The following SOD2 variants were observed in gnomAD, a reference collection of about 807,000 sequenced individuals.
SOD2 encodes superoxide dismutase 2.
In SOD2, 11 loss-of-function variants were observed where a neutral mutation model predicts 27.0. The ratio of observed to expected loss-of-function variants is 0.41; its 90% confidence interval spans 0.26 to 0.67. The LOEUF (loss-of-function observed/expected upper bound fraction) is 0.67. Ranked by LOEUF, SOD2 falls within the 30% of genes least tolerant of loss-of-function variation. The probability of loss-of-function intolerance (pLI) is 0.34; values close to 1 mark genes in which losing one functional copy is unlikely to be tolerated. For missense variants in SOD2, 250 were observed against 274.5 expected (o/e 0.91, Z 0.63); for synonymous variants, 105 against 103.0 (o/e 1.02, Z -0.12).
chr6:159,728,241 C>T (rs938004066), upstream of SOD2, among the ~76,000 whole-genome samples: 3 of 152,152 alleles, frequency 2.0e-5, no homozygotes, highest in African/African-American at 7.2e-5. Context: ...CCAAGTCTTA[C>T]CTTGGATCCC....
intron 1 of SOD2, among the ~76,000 whole-genome samples, chr6:159,741,064 C>G (rs1779228551): frequency 6.6e-6 from 1 of 152,034 alleles, no homozygotes; most frequent in Non-Finnish European, 1.5e-5. Context: ...TTTTCTAAAG[C>G]CAAATTTTAA....
At chr6:159,708,393 C>G (rs1482086699) in intron 1 of SOD2, among the ~76,000 whole-genome samples, 1 of 152,212 alleles carries the variant, frequency 6.6e-6, no homozygotes, top group African/African-American at 2.4e-5. Context: ...CCAAAATCTC[C>G]TTAAGCTGAT....
chr6:159,696,958 G>A (rs1214679225), upstream of SOD2, among the ~76,000 whole-genome samples: 2 of 151,604 alleles, frequency 1.3e-5, no homozygotes, highest in African/African-American at 4.8e-5. Flanking sequence ...AGGATCACTT[G>A]AGCCCAAGAG....
intron 1 of SOD2, among the ~76,000 whole-genome samples, chr6:159,750,611 G>C (rs1442938425): frequency 6.6e-6 from 1 of 152,076 alleles, no homozygotes; most frequent in Non-Finnish European, 1.5e-5. Context: ...AAACACAGAT[G>C]AGTTGCACCT....
intron 1 of SOD2, chr6:159,753,390 C>G: frequency 6.3e-7 from 1 of 1,598,598 alleles, no homozygotes; most frequent in Non-Finnish European, 8.6e-7. Flanking sequence ...ACATCTATCA[C>G]TGTAATAATT....
At chr6:159,761,964 G>T in exon 1 of SOD2, 1 of 1,126,120 alleles carries the variant, frequency 8.9e-7, no homozygotes, top group Non-Finnish European at 1.3e-6. Context: ...GGTGGTGCGC[G>T]GGGAGGTGGA....
Position 159,714,040 on chromosome 6 carries a change from A to G in SOD2, c.-116+13089T>C, listed in dbSNP as rs559429067. 1.3e-4 allele frequency: 88 copies of G among 655,128 alleles called. No homozygotes were observed. The Middle Eastern group carries it at 1.6e-3, about 12-fold the overall frequency. 40.6% of individuals were successfully genotyped at this position (655,128 alleles called of 1,614,324 possible). On this transcript the variant is annotated intron_variant, in intron 1 of 2. Transcript: ENST00000401980. ...GTTTGGCGGAATGCAATTTTGGTGT[A>G]GTGGGCAATTATCCTCCTTCTGCCT...
chr6:159,727,374 T>TGGCAGGA (rs776889635), upstream of SOD2: 19,815 of 1,032,632 alleles, frequency 0.019, 3,001 homozygotes, highest in Admixed American at 0.046. Context: ...GCGGGGAGGC[T>TGGCAGGA]GGCGGGAGGC....
intron 1 of SOD2, among the ~76,000 whole-genome samples, chr6:159,724,408 C>A (rs1778099916): frequency 1.3e-5 from 2 of 152,158 alleles, no homozygotes; most frequent in African/African-American, 2.4e-5. Flanking sequence ...AGTTTTAAAA[C>A]CACAGTAACA....
At position 159,680,478 on chromosome 6, in the gene SOD2, T is replaced by A. The variant is rs1196014635; in HGVS notation, c.*2015A>T. 6.6e-6 allele frequency: 1 copy of A among 152,122 alleles called. No individual in the cohort carries two copies. The highest frequency in any genetic ancestry group is 1.5e-5 in the Non-Finnish European group (1 of 68,032). The allele number at this position is 152,122 out of a possible 1,614,324, so 9.4% of individuals were successfully genotyped here. ...AAAGCCTACTTTTCTAACTGAATTT[T>A]AAAAGTACCTTGAATTTAAATTTTT... On this transcript the variant is annotated 3_prime_UTR_variant, in exon 5 of 5. Coordinates refer to ENST00000538183, the MANE Select transcript of SOD2 (RefSeq NM_000636.4).
At chr6:159,715,909 A>C (rs2842964) in intron 1 of SOD2, among the ~76,000 whole-genome samples, 1 of 150,812 alleles carries the variant, frequency 6.6e-6, no homozygotes, top group African/African-American at 2.4e-5. Flanking sequence ...CAAGGAAAAA[A>C]AAAAAAAAAA....
chr6:159,701,569 CA>C (rs752905908), intron 1 of SOD2, among the ~76,000 whole-genome samples: 6,285 of 78,010 alleles, frequency 0.081, 145 homozygotes, highest in African/African-American at 0.14. Flanking sequence ...GACCCTGTTT[CA>C]AAAAAAAAAA....
chr6:159,748,726 A>G, upstream of SOD2: 1 of 1,245,664 alleles, frequency 8.0e-7, no homozygotes, highest in Non-Finnish European at 1.0e-6. The surrounding 1 kb of genome is among the most constrained non-coding windows in gnomAD (Gnocchi z 5.6). Flanking sequence ...TCTGTGGCAC[A>G]CTGTGTCTTC....
intron 1 of SOD2, among the ~76,000 whole-genome samples, chr6:159,732,886 A>AGTGTGT (rs67554039): frequency 0.09 from 13,164 of 146,340 alleles, 650 homozygotes; most frequent in East Asian, 0.21. Flanking sequence ...ATATATATAT[A>AGTGTGT]GTGTGTGTGT....
intron 1 of SOD2, among the ~76,000 whole-genome samples, chr6:159,717,916 TG>T (rs1777951938): frequency 1.3e-5 from 2 of 151,926 alleles, no homozygotes; most frequent in South Asian, 2.1e-4. Context: ...TGTGTGTGTG[TG>T]TGTGTGTGTG....
chr6:159,692,916 C>G, intron 1 of SOD2, 53 bp from the exon 2 acceptor site: 1 of 1,466,058 alleles, frequency 6.8e-7, no homozygotes, highest in Non-Finnish European at 9.1e-7. Flanking sequence ...ACCGTCTACG[C>G]AGGCTGGGCT....
chr6:159,676,408 T>C lies in SOD2; in HGVS notation c.*6085A>G, dbSNP rs1156927977. On this transcript the variant is annotated 3_prime_UTR_variant, in exon 5 of 5. Coordinates refer to ENST00000538183, the MANE Select transcript of SOD2 (RefSeq NM_000636.4). ...GTGGCACATATACACCATGGAATAC[T>C]ATGCAGCCATAAAAAAGGAAGAGTT... 1 of 152,196 alleles carries C rather than the reference T, an allele frequency of 6.6e-6. No homozygotes were observed. Among genetic ancestry groups the C allele is most frequent in the Admixed American group, 6.5e-5 (1 of 15,282 alleles). The allele number at this position is 152,196 out of a possible 1,614,324, so 9.4% of individuals were successfully genotyped here.
At chr6:159,733,247 T>C (rs1397056261) in intron 1 of SOD2, among the ~76,000 whole-genome samples, 69 of 152,200 alleles carry the variant, frequency 4.5e-4, no homozygotes, top group Admixed American at 4.5e-3. Flanking sequence ...ACTTGCTCAG[T>C]GAAACAGACT....
At position 159,673,917 on chromosome 6, in the gene SOD2, T is replaced by A. The variant is rs1468894796; in HGVS notation, c.*8576A>T. ...GCAATAAAAAATGATAAAGTGGATA[T>A]CACCACCAATCCCACAGAAATACAG... On this transcript the variant is annotated 3_prime_UTR_variant, in exon 5 of 5. Coordinates refer to ENST00000538183, the MANE Select transcript of SOD2 (RefSeq NM_000636.4). The A allele has an allele frequency of 6.6e-6, 1 of 152,080 alleles. No individual in the cohort carries two copies. The highest frequency in any genetic ancestry group is 6.5e-5 in the Admixed American group (1 of 15,268). The allele number at this position is 152,080 out of a possible 1,614,324, so 9.4% of individuals were successfully genotyped here.
Sources: gnomAD v4.1 joint callset for allele counts (sites outside exome capture counted in the v4.1 genomes callset) on GRCh38, gnomAD v4.1.1 for gene constraint, Gnocchi (gnomAD v3.1) non-coding constraint, MANE v1.5 for transcripts, NCBI Gene and HGNC (gene_info 2026-07-23, HGNC 2026-07-21) for gene names.